LVRN: variants seen among roughly 807,000 people sequenced by gnomAD.
LVRN encodes the protein laeverin, also known as aminopeptidase Q.
A neutral mutation model predicts 111.4 loss-of-function variants in LVRN; 99 were observed. The ratio of observed to expected loss-of-function variants is 0.89; its 90% CI spans 0.76 to 1.05. LVRN has a LOEUF of 1.05. LVRN is among the 50% of genes least tolerant of loss of function. The pLI, the probability that LVRN is intolerant of heterozygous loss-of-function variation, is 0.00. For missense variants in LVRN, 1,414 were observed against 1,206.8 expected, an observed-to-expected ratio of 1.17 and a Z score of -2.54; for synonymous variants, 488 against 449.5, an observed-to-expected ratio of 1.09 and a Z score of -1.08.
At chr5:116,017,556 T>G (rs932413608) in intron 18 of LVRN, among the ~76,000 whole-genome samples, 1 of 152,186 alleles carries the variant, frequency 6.6e-6, no homozygotes, top group Admixed American at 6.5e-5. Flanking sequence ...TTGTGTTTAG[T>G]TTTTCATGTA....
rs1255576932 is a variant in LVRN at position 115,963,002 on chromosome 5, G to T, written c.385G>T (p.Gly129Cys). The T allele has an allele frequency of 6.2e-7, 1 of 1,613,582 alleles. No individual in the cohort carries two copies. Among genetic ancestry groups the T allele is most frequent in the East Asian group, 2.2e-5 (1 of 44,864 alleles). Residue 129 changes from glycine (G) to cysteine (C), a missense_variant, in exon 1 of 20, where the codon GGC becomes TGC. Coordinates refer to ENST00000357872, the MANE Select transcript of LVRN (RefSeq NM_173800.5). ...ELPAGSLPFT[G>C]RVNITVRCTV... Reference sequence around the variant, plus strand: ...TCCGGCCGGGTCTTTGCCCTTCACTGGCCGCGTGAACATCACGGTGCGCTG... The same window carrying T: ...TCCGGCCGGGTCTTTGCCCTTCACTTGCCGCGTGAACATCACGGTGCGCTG...
At chr5:116,008,269 A>C (rs977626409) in intron 13 of LVRN, among the ~76,000 whole-genome samples, 1 of 152,120 alleles carries the variant, frequency 6.6e-6, no homozygotes, top group East Asian at 1.9e-4. Context: ...GCATGAACCC[A>C]GGAAGCAGAG....
At chr5:116,005,131 A>C (rs1748332403) in intron 12 of LVRN, among the ~76,000 whole-genome samples, 1 of 152,238 alleles carries the variant, frequency 6.6e-6, no homozygotes, top group South Asian at 2.1e-4. Flanking sequence ...TATGATTAAT[A>C]TTAATCTAGA....
In LVRN at chr5:116,022,406, A is replaced by C; in HGVS notation, c.2772A>C (p.Ser924=). Residue 924 remains serine (S), a synonymous_variant, in exon 19 of 20, where the codon TCA becomes TCC. Transcript: ENST00000357872. ...TGCCTTGTAGGTATGGAACACAATCATTGATTAATCTAATATATACAATAG... is the reference window on the plus strand; with the variant it reads ...TGCCTTGTAGGTATGGAACACAATCCTTGATTAATCTAATATATACAATAG... ...QAVSKRYGTQ[S]LINLIYTIGR... 6.3e-7 allele frequency: 1 copy of C among 1,582,358 alleles called. No homozygotes were observed. The highest frequency in any genetic ancestry group is 8.6e-7 in the Non-Finnish European group (1 of 1,158,058).
intron 19 of LVRN, among the ~76,000 whole-genome samples, chr5:116,022,912 G>A (rs1326978485): frequency 6.6e-6 from 1 of 152,232 alleles, no homozygotes; most frequent in Non-Finnish European, 1.5e-5. Flanking sequence ...GTGTCAGAGA[G>A]CAAGAGAGAC....
intron 1 of LVRN, among the ~76,000 whole-genome samples, chr5:115,978,718 T>C (rs1753497993): frequency 6.6e-6 from 1 of 152,190 alleles, no homozygotes; most frequent in South Asian, 2.1e-4. Flanking sequence ...TGCATTAAGG[T>C]ACAGGGTGGT....
chr5:115,967,730 G>A (rs899885041), intron 1 of LVRN, among the ~76,000 whole-genome samples: 1 of 152,052 alleles, frequency 6.6e-6, no homozygotes, highest in African/African-American at 2.4e-5. Flanking sequence ...CATTCTATGA[G>A]CATTAAATGT....
chr5:116,006,877 C>G (rs1186561408), intron 13 of LVRN, among the ~76,000 whole-genome samples: 1 of 152,192 alleles, frequency 6.6e-6, no homozygotes, highest in African/African-American at 2.4e-5. Flanking sequence ...GCCTTAAACA[C>G]TGAACTTCAT....
intron 3 of LVRN, among the ~76,000 whole-genome samples, chr5:115,987,515 C>G (rs138095312): frequency 2.6e-5 from 4 of 152,134 alleles, no homozygotes; most frequent in Admixed American, 6.5e-5. Context: ...AGAATCTACA[C>G]TTACTGTAGG....
At chr5:115,995,714 C>T (rs149657450) in intron 6 of LVRN, among the ~76,000 whole-genome samples, 1 of 152,338 alleles carries the variant, frequency 6.6e-6, no homozygotes, top group Non-Finnish European at 1.5e-5. Context: ...ACTACACATA[C>T]ATCATCTTAC....
chr5:115,998,620 T>C (rs529991856), intron 6 of LVRN, among the ~76,000 whole-genome samples: 2 of 152,278 alleles, frequency 1.3e-5, no homozygotes, highest in East Asian at 3.9e-4. Context: ...GCTTACTGAG[T>C]AGGATCAGAC....
chr5:116,025,142 C>A (rs77471527), intron 19 of LVRN, among the ~76,000 whole-genome samples: 4 of 152,240 alleles, frequency 2.6e-5, no homozygotes, highest in African/African-American at 9.6e-5. Context: ...TACCACCTCC[C>A]GGCAGGTGTG....
At position 115,987,924 on chromosome 5, in the gene LVRN, T is replaced by C; in HGVS notation, c.1090T>C (p.Ser364Pro). 1.2e-6 allele frequency: 2 copies of C among 1,610,670 alleles called. No individual in the cohort carries two copies. Among genetic ancestry groups the C allele is most frequent in the Middle Eastern group, 1.7e-4 (1 of 6,036 alleles). ...FLEDLFNISY[S>P]LPKTDIIALP... ...GGAGGATTTGTTTAATATCAGTTAC[T>C]CTCTTCCAAAAACAGGTGAGGTAAT... is the stretch of plus-strand genomic sequence containing the variant. The change falls in exon 4 of 20, where the codon TCT (serine) becomes CCT (proline). Residue 364 changes from serine to proline, a missense_variant. By Grantham distance (74) the Ser-to-Pro change is moderately conservative. Coordinates refer to ENST00000357872, the MANE Select transcript of LVRN (RefSeq NM_173800.5).
Position 115,963,042 on chromosome 5 carries a change from C to T in LVRN, c.425C>T (p.Ser142Phe). 6.2e-7 allele frequency: 1 copy of T among 1,613,762 alleles called. No homozygotes were observed. Among genetic ancestry groups the T allele is most frequent in the Non-Finnish European group, 8.5e-7 (1 of 1,179,946 alleles). ...NITVRCTVAT[S>F]RLLLHSLFQD... Reference sequence around the variant, plus strand: ...ACGGTGCGCTGCACGGTGGCCACCTCTCGACTGCTGCTGCATAGCCTCTTC... The same window carrying T: ...ACGGTGCGCTGCACGGTGGCCACCTTTCGACTGCTGCTGCATAGCCTCTTC... The change falls in exon 1 of 20, where the codon TCT (serine) becomes TTT (phenylalanine). Residue 142 changes from serine (S) to phenylalanine (F), a missense_variant. Physicochemically the swap from Ser to Phe is radical, Grantham distance 155 (BLOSUM62 -2). Coordinates refer to ENST00000357872, the MANE Select transcript of LVRN (RefSeq NM_173800.5).
At chr5:116,005,860 G>C in intron 12 of LVRN, 52 bp from the exon 13 acceptor site, 1 of 1,476,724 alleles carries the variant, frequency 6.8e-7, no homozygotes, top group South Asian at 1.1e-5. Flanking sequence ...TGAAAACTTT[G>C]CGGAAAAATG....
rs1255094051 is a variant in LVRN, at chr5:115,962,597, C to T, written c.-21C>T. ...CCACAGTCTCTGAGCTCCAGCCTCG[C>T]GCCTGAACCCGGTCCCTGCCATGGG... On this transcript the variant is annotated 5_prime_UTR_variant, in exon 1 of 20. Coordinates refer to ENST00000357872, the MANE Select transcript of LVRN (RefSeq NM_173800.5). 2.2e-5 allele frequency: 34 copies of T among 1,581,264 alleles called. No individual in the cohort carries two copies. The highest frequency in any genetic ancestry group is 8.5e-5 in the Admixed American group (5 of 58,832).
At chr5:115,967,997 G>A (rs1753238093) in intron 1 of LVRN, among the ~76,000 whole-genome samples, 1 of 152,048 alleles carries the variant, frequency 6.6e-6, no homozygotes, top group East Asian at 1.9e-4. Context: ...TAGAGCCCTT[G>A]GAATTGTCTA....
At chr5:116,002,502 G>T (rs995882850) in intron 10 of LVRN, among the ~76,000 whole-genome samples, 1 of 152,186 alleles carries the variant, frequency 6.6e-6, no homozygotes, top group African/African-American at 2.4e-5. Context: ...TCTGTTTGCA[G>T]CATTTGAACT....
intron 19 of LVRN, among the ~76,000 whole-genome samples, chr5:116,023,834 A>G (rs1748807031): frequency 6.6e-6 from 1 of 152,210 alleles, no homozygotes; most frequent in South Asian, 2.1e-4. Flanking sequence ...GAGGAATGTA[A>G]CATGGCACAA....
Sources: gnomAD v4.1 joint callset for allele counts (sites outside exome capture counted in the v4.1 genomes callset) on GRCh38, gnomAD v4.1.1 for gene constraint, MANE v1.5 for transcripts, NCBI Gene and HGNC (gene_info 2026-07-23, HGNC 2026-07-21) for gene names.